SDK1: variants seen among roughly 807,000 people sequenced by gnomAD.
SDK1 encodes the protein protein sidekick-1.
In SDK1, 157 loss-of-function variants were observed where a neutral mutation model predicts 245.5. The observed-to-expected ratio is 0.64, with a 90% CI of 0.56 to 0.73. The LOEUF (loss-of-function observed/expected upper bound fraction) is 0.73. Among genes scored for constraint, SDK1 ranks in the 30% least tolerant of loss-of-function variants. The pLI is 0.00. For synonymous variants in SDK1, 1,647 were observed against 1,278.5 expected (o/e 1.29, Z -6.15); for missense variants, 3,583 against 3,002.3 (o/e 1.19, Z -4.52).
At chr7:3,764,066 C>G (rs1157334159) in intron 4 of SDK1, among the ~76,000 whole-genome samples, 1 of 152,106 alleles carries the variant, frequency 6.6e-6, no homozygotes, top group Non-Finnish European at 1.5e-5. Context: ...TCTGGAAACC[C>G]TTCAGGGGAC....
intron 1 of SDK1, among the ~76,000 whole-genome samples, chr7:3,486,619 G>A (rs1222813147): frequency 6.6e-6 from 1 of 151,910 alleles, no homozygotes; most frequent in Non-Finnish European, 1.5e-5. Flanking sequence ...TATGTATGAT[G>A]AAAATGGAAA....
At chr7:3,691,185 A>G (rs1784428765) in intron 4 of SDK1, among the ~76,000 whole-genome samples, 1 of 48,474 alleles carries the variant, frequency 2.1e-5, no homozygotes, top group Non-Finnish European at 5.2e-5. Flanking sequence ...AATGTATACG[A>G]AAAGCAATAG....
At chr7:3,557,928 G>A (rs141617684) in intron 1 of SDK1, among the ~76,000 whole-genome samples, 59 of 152,228 alleles carry the variant, frequency 3.9e-4, no homozygotes, top group African/African-American at 1.4e-3. Context: ...TATGTAAATA[G>A]AAAAGTATGC....
intron 20 of SDK1, among the ~76,000 whole-genome samples, chr7:4,075,181 C>T (rs1260310407): frequency 2.0e-5 from 3 of 151,896 alleles, no homozygotes; most frequent in Admixed American, 1.3e-4. Flanking sequence ...GCTCTGGAGG[C>T]ACCCAGCAGC....
intron 1 of SDK1, among the ~76,000 whole-genome samples, chr7:3,605,039 CT>C (rs1781376473): frequency 6.6e-6 from 1 of 151,800 alleles, no homozygotes; most frequent in African/African-American, 2.4e-5. Context: ...AGGATACACT[CT>C]GTATAAATTT....
chr7:3,945,899 TAAAAAAA>T (rs754101246), intron 5 of SDK1, among the ~76,000 whole-genome samples: 2 of 13,682 alleles, frequency 1.5e-4, no homozygotes, highest in South Asian at 4.5e-3. Flanking sequence ...ACTCTGTCTG[TAAAAAAA>T]AAAAAAAAAA....
chr7:4,236,121 C>G (rs182948225), intron 41 of SDK1, among the ~76,000 whole-genome samples: 7 of 152,206 alleles, frequency 4.6e-5, no homozygotes, highest in African/African-American at 1.7e-4. Flanking sequence ...GTGCACACAT[C>G]CCCTATTCGT....
intron 4 of SDK1, among the ~76,000 whole-genome samples, chr7:3,785,432 A>G (rs1485185417): frequency 6.6e-6 from 1 of 152,236 alleles, no homozygotes; most frequent in Non-Finnish European, 1.5e-5. Flanking sequence ...TTAATCAATC[A>G]TAACATTACT....
In SDK1 at chr7:3,890,068, G is replaced by A. The variant is rs137931710; in HGVS notation, c.848-60855G>A. On this transcript the variant is annotated intron_variant, in intron 5 of 44. Transcript: ENST00000404826. Reference sequence around the variant, plus strand: ...ATGCTCAAATCAGACAGAGCCTTGGGAGACCGTCTGTCCCTCATTTTACAG... The same window carrying A: ...ATGCTCAAATCAGACAGAGCCTTGGAAGACCGTCTGTCCCTCATTTTACAG... Among the ~76,000 whole-genome samples the A allele has an allele frequency of 2.5e-3, 387 of 152,340 alleles. 1 individual carries two copies. Among genetic ancestry groups the A allele is most frequent in the African/African-American group, 8.9e-3 (370 of 41,572 alleles).
At chr7:3,351,562 A>G (rs1234656603) in intron 1 of SDK1, among the ~76,000 whole-genome samples, 1 of 152,198 alleles carries the variant, frequency 6.6e-6, no homozygotes, top group African/African-American at 2.4e-5. Flanking sequence ...ATATCTAAAA[A>G]CAAAGATACA....
chr7:4,210,685 G>A (rs1341176156), intron 38 of SDK1, among the ~76,000 whole-genome samples: 2 of 152,200 alleles, frequency 1.3e-5, no homozygotes, highest in Non-Finnish European at 2.9e-5. Flanking sequence ...TCTACATGCT[G>A]GAAAAGCCAA....
chr7:3,671,033 C>T (rs527971338), intron 4 of SDK1, among the ~76,000 whole-genome samples: 1 of 152,128 alleles, frequency 6.6e-6, no homozygotes, highest in Non-Finnish European at 1.5e-5. Context: ...TAACTAGTTC[C>T]TTGAGGTTTG....
rs138017755 is a variant in SDK1, at chr7:3,543,882, A to G, written c.299-75198A>G. On this transcript the variant is annotated intron_variant, in intron 1 of 44. Coordinates refer to ENST00000404826, the MANE Select transcript of SDK1 (RefSeq NM_152744.4). ...ACCCATTTATTGGTTACTTGATAGT[A>G]CAAACACCAACAGCCATCTGAGTTC... 3.7e-4 allele frequency among the ~76,000 whole-genome samples: 56 copies of G among 152,334 alleles called. No individual in the cohort carries two copies. In the East Asian group the frequency reaches 9.5e-3, roughly 26 times the overall value.
chr7:3,534,403 A>C (rs1318452803), intron 1 of SDK1, among the ~76,000 whole-genome samples: 1 of 152,182 alleles, frequency 6.6e-6, no homozygotes, highest in Non-Finnish European at 1.5e-5. Context: ...ACATATCTGG[A>C]AGTGAGATTG....
intron 9 of SDK1, among the ~76,000 whole-genome samples, chr7:3,964,026 C>T (rs1036856111): frequency 6.6e-5 from 10 of 152,262 alleles, no homozygotes; most frequent in African/African-American, 1.4e-4. Context: ...CACCTTGGCC[C>T]ACAGCTACCT....
intron 30 of SDK1, among the ~76,000 whole-genome samples, chr7:4,154,012 C>T (rs903132600): frequency 6.6e-5 from 10 of 152,104 alleles, no homozygotes; most frequent in Non-Finnish European, 1.5e-4. Context: ...ATTTTTAGTG[C>T]CTTCCAGATA....
intron 5 of SDK1, among the ~76,000 whole-genome samples, chr7:3,909,258 C>T (rs531397853): frequency 6.6e-6 from 1 of 152,316 alleles, no homozygotes; most frequent in African/African-American, 2.4e-5. Context: ...TTCAGCTCTG[C>T]TCTCCAGCAG....
intron 20 of SDK1, among the ~76,000 whole-genome samples, chr7:4,074,914 A>AT (rs1346494463): frequency 3.2e-3 from 244 of 77,058 alleles, no homozygotes; most frequent in Non-Finnish European, 4.6e-3. Flanking sequence ...ATATATATAT[A>AT]TATTTTTTTT....
intron 1 of SDK1, among the ~76,000 whole-genome samples, chr7:3,368,971 T>C (rs1222932595): frequency 6.6e-6 from 1 of 151,948 alleles, no homozygotes; most frequent in East Asian, 1.9e-4. Context: ...TGTCTTTGCA[T>C]GTGCTGCTTC....
Sources: gnomAD v4.1 joint callset for allele counts (sites outside exome capture counted in the v4.1 genomes callset) on GRCh38, gnomAD v4.1.1 for gene constraint, MANE v1.5 for transcripts, NCBI Gene and HGNC (gene_info 2026-07-23, HGNC 2026-07-21) for gene names.